The following DRAM1 variants were observed in gnomAD, a reference collection of about 807,000 sequenced individuals.
DRAM1 encodes the protein DNA damage-regulated autophagy modulator protein 1.
DRAM1 carries 25 observed loss-of-function variants against 28.5 expected under a neutral mutation model. The ratio of observed to expected loss-of-function variants is 0.88; its 90% CI spans 0.64 to 1.23. The LOEUF (loss-of-function observed/expected upper bound fraction) is 1.23, where lower values mean the gene tolerates loss of function less well. Ranked by LOEUF, DRAM1 falls within the 50% of genes most tolerant of loss-of-function variation. The pLI is 0.00. For synonymous variants in DRAM1, 113 were observed against 114.2 expected (o/e 0.99, Z 0.07); for missense variants, 249 against 299.2 (o/e 0.83, Z 1.24).
chr12:101,903,926 T>TAC (rs775764624), intron 3 of DRAM1, among the ~76,000 whole-genome samples: 17,447 of 135,874 alleles, frequency 0.13, 1,133 homozygotes, highest in East Asian at 0.24. Flanking sequence ...CACACACACA[T>TAC]ACACACACAC....
At chr12:101,912,928 A>G (rs960372164) in intron 4 of DRAM1, among the ~76,000 whole-genome samples, 2 of 152,006 alleles carry the variant, frequency 1.3e-5, no homozygotes, top group Non-Finnish European at 2.9e-5. Flanking sequence ...GGGTTTCACC[A>G]TGTTGGTCAG....
intron 1 of DRAM1, among the ~76,000 whole-genome samples, chr12:101,892,506 G>A (rs1034295862): frequency 4.0e-5 from 6 of 151,308 alleles, no homozygotes; most frequent in East Asian, 1.9e-4. Flanking sequence ...CACCTGCCTC[G>A]GCCTCTCAGA....
At position 101,908,322 on chromosome 12, in the gene DRAM1, G is replaced by A. The variant is rs1416232183; in HGVS notation, c.479G>A (p.Arg160Gln). 13 of 1,613,270 alleles carry A rather than the reference G, an allele frequency of 8.1e-6. No individual in the cohort carries two copies. Among genetic ancestry groups the A allele is most frequent in the Admixed American group, 1.7e-5 (1 of 59,704 alleles). The change falls in exon 4 of 7, where the codon CGG becomes CAG. Residue 160 changes from arginine to glutamine, a missense_variant. Coordinates refer to ENST00000258534, the MANE Select transcript of DRAM1 (RefSeq NM_018370.3). ...AACAGTCTCTCGACATGCCACATAC[G>A]GATGGTCATCTCTGCCGTTTCTTGC... ...QWNSLSTCHI[R>Q]MVISAVSCAA... is the part of the protein sequence containing the mutation.
intron 4 of DRAM1, among the ~76,000 whole-genome samples, chr12:101,912,205 C>CATAA (rs1002777670): frequency 2.6e-5 from 4 of 152,044 alleles, no homozygotes; most frequent in Non-Finnish European, 4.4e-5. Context: ...ATCTCAAATA[C>CATAA]ATAAATAAAT....
intron 1 of DRAM1, among the ~76,000 whole-genome samples, chr12:101,893,255 G>C (rs915490100): frequency 2.6e-5 from 4 of 152,224 alleles, no homozygotes; most frequent in Non-Finnish European, 5.9e-5. Flanking sequence ...AGCAGGGACT[G>C]TGTGCCTCTC....
chr12:101,904,101 C>T (rs538891507), intron 3 of DRAM1, among the ~76,000 whole-genome samples: 1 of 152,274 alleles, frequency 6.6e-6, no homozygotes, highest in Non-Finnish European at 1.5e-5. Context: ...ATTATCCCTG[C>T]TTCAGCCTCC....
At chr12:101,882,525 C>G (rs536375588) in intron 1 of DRAM1, among the ~76,000 whole-genome samples, 1 of 151,408 alleles carries the variant, frequency 6.6e-6, no homozygotes, top group Admixed American at 6.6e-5. Context: ...GATACTTTCT[C>G]CTTGTAACAT....
At chr12:101,886,583 A>G (rs1299045680) in intron 1 of DRAM1, among the ~76,000 whole-genome samples, 2 of 152,206 alleles carry the variant, frequency 1.3e-5, no homozygotes, top group African/African-American at 2.4e-5. Context: ...AACTTAATCA[A>G]CTTGCTGGGT....
chr12:101,881,507 T>A (rs1872685868), intron 1 of DRAM1, among the ~76,000 whole-genome samples: 1 of 152,098 alleles, frequency 6.6e-6, no homozygotes, highest in Non-Finnish European at 1.5e-5. Flanking sequence ...AGGTATCTCT[T>A]AGCTCATCAC....
intron 4 of DRAM1, among the ~76,000 whole-genome samples, chr12:101,913,002 A>G (rs1874102173): frequency 6.6e-6 from 1 of 152,160 alleles, no homozygotes; most frequent in Non-Finnish European, 1.5e-5. Context: ...TGCTGGGATT[A>G]CAGGTGTGAG....
intron 4 of DRAM1, among the ~76,000 whole-genome samples, chr12:101,912,113 C>A (rs747328593): frequency 2.0e-5 from 3 of 152,112 alleles, no homozygotes; most frequent in Non-Finnish European, 4.4e-5. Context: ...GCAGGAGAAT[C>A]GCTTGAACCC....
chr12:101,882,835 CTTTTT>C (rs35171315), intron 1 of DRAM1, among the ~76,000 whole-genome samples: 1 of 112,574 alleles, frequency 8.9e-6, no homozygotes, highest in Non-Finnish European at 1.7e-5. Context: ...ATGCAACAGC[CTTTTT>C]TTTTTTTTTT....
At position 101,916,462 on chromosome 12, in the gene DRAM1, C is replaced by T. The variant is rs148727297; in HGVS notation, c.579+2230C>T. 1.6e-3 allele frequency among the ~76,000 whole-genome samples: 241 copies of T among 152,286 alleles called. 1 individual carries two copies. The highest frequency in any genetic ancestry group is 3.4e-3 in the Middle Eastern group (1 of 294). Reference sequence around the variant, plus strand: ...CTAGACTTCTGGTGGGACTGGGAGTCGTCAGAGTGTAGGGTAGAGTTGTTA... The same window carrying T: ...CTAGACTTCTGGTGGGACTGGGAGTTGTCAGAGTGTAGGGTAGAGTTGTTA... On this transcript the variant is annotated intron_variant, in intron 5 of 6. Transcript: ENST00000258534.
intron 3 of DRAM1, among the ~76,000 whole-genome samples, chr12:101,906,869 A>AAAAAAG (rs1873832867): frequency 6.8e-6 from 1 of 147,912 alleles, no homozygotes; most frequent in Non-Finnish European, 1.5e-5. Flanking sequence ...AAAAAAAAAA[A>AAAAAAG]AAAAGAAAAG....
chr12:101,904,426 GGTTTTTTTTTTTTTTTTT>G lies in DRAM1; in HGVS notation c.342+2994_342+3011del, dbSNP rs1333622422. ...TGAAGCTGAGTGATAGAGCTTTAGG[GGTTTTTTTTTTTTTTTTT>G]TTTTTTTTTTTTTTTGAGACAGAGT... On this transcript the variant is annotated intron_variant, in intron 3 of 6. Coordinates refer to ENST00000258534, the MANE Select transcript of DRAM1 (RefSeq NM_018370.3). Among the ~76,000 whole-genome samples, 13 of 39,148 alleles carry G rather than the reference GGTTTTTTTTTTTTTTTTT, an allele frequency of 3.3e-4. No homozygotes were observed. The East Asian group carries it at 8.2e-3, about 25-fold the overall frequency. 25.7% of individuals were successfully genotyped at this position (39,148 alleles called of 152,430 possible). A position where few individuals can be genotyped will look rare whatever the true frequency, so the allele number is the denominator to read the frequency against.
chr12:101,901,347 T>A lies in DRAM1; in HGVS notation c.256T>A (p.Tyr86Asn), dbSNP rs1231263089. 1.2e-6 allele frequency: 2 copies of A among 1,614,106 alleles called. No homozygotes were observed. Residue 86 changes from tyrosine (Y) to asparagine (N), a missense_variant, in exon 3 of 7, where the codon TAT becomes AAT. By Grantham distance (143) the Tyr-to-Asn change is moderately radical (BLOSUM62 -2). Coordinates refer to ENST00000258534, the MANE Select transcript of DRAM1 (RefSeq NM_018370.3). ...AGTACAGAAGCAAAATCAAACCTGC[T>A]ATTTCAGCACTCCTGTTTTTAACTT... Reference protein sequence around the residue: ...KIVQKQNQTCYFSTPVFNLVS... With the variant: ...KIVQKQNQTCNFSTPVFNLVS...
intron 1 of DRAM1, among the ~76,000 whole-genome samples, chr12:101,887,306 A>G (rs1237599850): frequency 4.6e-5 from 7 of 152,160 alleles, no homozygotes; most frequent in African/African-American, 1.4e-4. Context: ...AATTGCTTCA[A>G]AAGTGTTTTT....
chr12:101,921,278 C>A lies in DRAM1; in HGVS notation c.*18C>A. ...ATATTTGAAGAAAGAAGAATTCAGT[C>A]TCACTCAGTGAATGTCGCAGGCCAT... On this transcript the variant is annotated 3_prime_UTR_variant, in exon 7 of 7. Transcript: ENST00000258534. 1 of 1,601,460 alleles carries A rather than the reference C, an allele frequency of 6.2e-7. No individual in the cohort carries two copies. Among genetic ancestry groups the A allele is most frequent in the South Asian group, 1.1e-5 (1 of 90,792 alleles).
At chr12:101,896,884 T>C (rs1258503538) in intron 1 of DRAM1, among the ~76,000 whole-genome samples, 2 of 151,782 alleles carry the variant, frequency 1.3e-5, no homozygotes, top group Non-Finnish European at 2.9e-5. Flanking sequence ...GCCTCCTGGG[T>C]TCAAGTGATT....
Sources: allele counts gnomAD v4.1 joint callset (sites outside exome capture counted in the v4.1 genomes callset), GRCh38; gene constraint gnomAD v4.1.1; transcripts MANE v1.5; gene names NCBI Gene and HGNC (gene_info 2026-07-23, HGNC 2026-07-21).